MICU2: variants seen among roughly 807,000 people sequenced by gnomAD.
MICU2 encodes the protein calcium uptake protein 2, mitochondrial.
A neutral mutation model predicts 60.4 loss-of-function variants in MICU2; 64 were observed. The ratio of observed to expected loss-of-function variants is 1.06; its 90% confidence interval spans 0.87 to 1.31. MICU2 has a LOEUF of 1.31. MICU2 is among the 50% of genes most tolerant of loss of function. MICU2 has a pLI of 0.00. For missense variants in MICU2, 569 were observed against 531.0 expected, an observed-to-expected ratio of 1.07 and a Z score of -0.70; for synonymous variants, 201 against 175.0, an observed-to-expected ratio of 1.15 and a Z score of -1.17.
At chr13:21,577,175 A>C (rs1454613457) in intron 1 of MICU2, among the ~76,000 whole-genome samples, 2 of 152,220 alleles carry the variant, frequency 1.3e-5, no homozygotes, top group Admixed American at 1.3e-4. Context: ...GATTTTCCTA[A>C]AACAGATTTG....
chr13:21,583,521 A>G (rs778385269), intron 1 of MICU2, among the ~76,000 whole-genome samples: 3 of 152,192 alleles, frequency 2.0e-5, no homozygotes, highest in Non-Finnish European at 4.4e-5. Context: ...AGTCTTTCAT[A>G]TATACTTCAA....
intron 6 of MICU2, among the ~76,000 whole-genome samples, chr13:21,516,086 A>G (rs553852722): frequency 6.6e-6 from 1 of 152,308 alleles, no homozygotes; most frequent in South Asian, 2.1e-4. Flanking sequence ...TGGCTCTTCT[A>G]TACCTCTACC....
chr13:21,589,820 A>AC (rs1177743724), intron 1 of MICU2, among the ~76,000 whole-genome samples: 2 of 152,190 alleles, frequency 1.3e-5, no homozygotes, highest in Admixed American at 6.5e-5. Flanking sequence ...AATTGAAATT[A>AC]GTTTAGCCTG....
At chr13:21,510,666 T>C (rs1424877511) in intron 7 of MICU2, among the ~76,000 whole-genome samples, 1 of 150,916 alleles carries the variant, frequency 6.6e-6, no homozygotes, top group African/African-American at 2.4e-5. Context: ...CAAAAGGGGG[T>C]ATAAGTTTAA....
At chr13:21,603,454 ACTT>A (rs1888872799) in intron 1 of MICU2, 1 of 157,652 alleles carries the variant, frequency 6.3e-6, no homozygotes, top group Non-Finnish European at 1.4e-5. Flanking sequence ...AATCGACAGA[ACTT>A]CATCATGCTA....
At chr13:21,516,599 T>A (rs1886576664) in intron 6 of MICU2, among the ~76,000 whole-genome samples, 1 of 152,176 alleles carries the variant, frequency 6.6e-6, no homozygotes, top group Non-Finnish European at 1.5e-5. Flanking sequence ...AACAAATCTG[T>A]TTAACTTTAT....
chr13:21,545,560 A>G (rs1288335069), intron 2 of MICU2, among the ~76,000 whole-genome samples: 1 of 152,110 alleles, frequency 6.6e-6, no homozygotes, highest in Admixed American at 6.6e-5. Flanking sequence ...GGGCGCCTGT[A>G]ATCCCAGCTA....
At chr13:21,570,840 T>C (rs1888091170) in intron 1 of MICU2, among the ~76,000 whole-genome samples, 2 of 152,214 alleles carry the variant, frequency 1.3e-5, no homozygotes, top group Admixed American at 6.5e-5. Context: ...CACATAAATG[T>C]TGGGAACAAG....
chr13:21,530,811 C>A, intron 4 of MICU2: 1 of 717,050 alleles, frequency 1.4e-6, no homozygotes, highest in Non-Finnish European at 2.4e-6. Flanking sequence ...GCGGCCGAGG[C>A]CAGGCAAGCC....
At chr13:21,559,913 AAATT>A (rs1887799348) in intron 2 of MICU2, among the ~76,000 whole-genome samples, 2 of 152,212 alleles carry the variant, frequency 1.3e-5, no homozygotes, top group African/African-American at 4.8e-5. Context: ...GTCTTTAACA[AAATT>A]AATTGTTGCT....
At chr13:21,603,859 G>A (rs371820413) in intron 1 of MICU2, 80 bp downstream of exon 1, 22 of 1,511,232 alleles carry the variant, frequency 1.5e-5, no homozygotes, top group East Asian at 4.9e-5. Context: ...GAGCCGCCCA[G>A]AGCCAAACCA....
chr13:21,588,727 C>G (rs761998034), intron 1 of MICU2, among the ~76,000 whole-genome samples: 1 of 152,114 alleles, frequency 6.6e-6, no homozygotes, highest in African/African-American at 2.4e-5. Flanking sequence ...GTTGGCTATC[C>G]CTTTCACCCT....
At chr13:21,597,477 C>T (rs1328057581) in intron 1 of MICU2, among the ~76,000 whole-genome samples, 1 of 152,078 alleles carries the variant, frequency 6.6e-6, no homozygotes, top group Non-Finnish European at 1.5e-5. Flanking sequence ...GAGAAGGTCA[C>T]TTTGTTATTT....
intron 1 of MICU2, among the ~76,000 whole-genome samples, chr13:21,591,017 C>T (rs1888569629): frequency 6.6e-6 from 1 of 152,170 alleles, no homozygotes; most frequent in Admixed American, 6.5e-5. Flanking sequence ...ATGACAGGAT[C>T]AAATTCACAC....
intron 1 of MICU2, among the ~76,000 whole-genome samples, chr13:21,578,126 C>T (rs868847077): frequency 3.3e-5 from 5 of 152,166 alleles, no homozygotes; most frequent in African/African-American, 9.7e-5. Flanking sequence ...TTATCAAAGC[C>T]GTAGTAACCC....
chr13:21,603,960 G>T lies in MICU2; in HGVS notation c.189C>A (p.Gly63=), dbSNP rs368261734. 1.4e-5 allele frequency: 22 copies of T among 1,612,508 alleles called. No homozygotes were observed. The African/African-American group carries it at 2.9e-4, about 22-fold the overall frequency. Reference sequence around the variant, plus strand: ...GTACCTGTGCGGAGACTGTAAAACTGCCATCCCGCGCCGCAACACTGACGC... The same window carrying T: ...GTACCTGTGCGGAGACTGTAAAACTTCCATCCCGCGCCGCAACACTGACGC... ...HSRVSVAARD[G]SFTVSAQKNV... is the part of the protein sequence containing the mutation. The change falls in exon 1 of 12, where the codon GGC becomes GGA. Residue 63 remains glycine (G), a synonymous_variant. Coordinates refer to ENST00000382374, the MANE Select transcript of MICU2 (RefSeq NM_152726.3).
At chr13:21,520,562 T>TAC (rs1886691742) in intron 6 of MICU2, among the ~76,000 whole-genome samples, 1 of 152,146 alleles carries the variant, frequency 6.6e-6, no homozygotes, top group Non-Finnish European at 1.5e-5. Context: ...CATATATATA[T>TAC]CTATATTTTC....
At chr13:21,571,692 C>G (rs370856381) in intron 1 of MICU2, among the ~76,000 whole-genome samples, 1 of 152,076 alleles carries the variant, frequency 6.6e-6, no homozygotes, top group Non-Finnish European at 1.5e-5. Flanking sequence ...AGCGAGACTG[C>G]GTCTCAAAAG....
At chr13:21,571,693 G>A in intron 1 of MICU2, among the ~76,000 whole-genome samples, 1 of 152,208 alleles carries the variant, frequency 6.6e-6, no homozygotes, top group East Asian at 1.9e-4. Context: ...GCGAGACTGC[G>A]TCTCAAAAGG....
Sources: allele counts gnomAD v4.1 joint callset (sites outside exome capture counted in the v4.1 genomes callset), GRCh38; gene constraint gnomAD v4.1.1; transcripts MANE v1.5; gene names NCBI Gene and HGNC (gene_info 2026-07-23, HGNC 2026-07-21).